Variants in CIB1 observed in about 807,000 individuals in gnomAD.
CIB1 encodes the protein calcium and integrin binding 1.
Under a neutral mutation model 25.0 loss-of-function variants are expected in CIB1, and 19 were observed. That is an observed-to-expected ratio of 0.76 (90% CI 0.53 to 1.12). The LOEUF (loss-of-function observed/expected upper bound fraction) is 1.12. Among genes scored for constraint, CIB1 ranks in the 50% most tolerant of loss-of-function variants. The pLI, the probability that CIB1 is intolerant of heterozygous loss-of-function variation, is 0.00. For synonymous variants in CIB1, 104 were observed against 98.5 expected (o/e 1.06, Z -0.33); for missense variants, 236 against 242.6 (o/e 0.97, Z 0.18).
chr15:90,262,127 T>G, the CIB1 span: 4 of 1,535,956 alleles, frequency 2.6e-6, no homozygotes, highest in Non-Finnish European at 3.5e-6. Flanking sequence ...TGCCCGCTTC[T>G]TCAAGCACAA....
At chr15:90,232,185 T>G in intron 3 of CIB1, 34 bp downstream of exon 3, 1 of 1,534,064 alleles carries the variant, frequency 6.5e-7, no homozygotes. Context: ...GAGGGAGTGG[T>G]GGGAGAGGTG....
At chr15:90,239,602 G>A in the CIB1 span, among the ~76,000 whole-genome samples, 2 of 152,098 alleles carry the variant, frequency 1.3e-5, no homozygotes, top group Non-Finnish European at 2.9e-5. Context: ...GGAGGTGACC[G>A]CCCCCATGAT....
the CIB1 span, chr15:90,255,739 A>C: frequency 6.2e-7 from 1 of 1,614,078 alleles, no homozygotes; most frequent in Non-Finnish European, 8.5e-7. Context: ...GCTCATACTA[A>C]CTGGCTGTGT....
At chr15:90,257,551 G>C in the CIB1 span, 11 of 1,253,794 alleles carry the variant, frequency 8.8e-6, no homozygotes, top group Non-Finnish European at 8.0e-6. Context: ...ATCCTCGGGA[G>C]GGGTGGGGAG....
chr15:90,257,078 C>A, the CIB1 span: 4 of 1,507,534 alleles, frequency 2.7e-6, no homozygotes, highest in African/African-American at 4.1e-5. Flanking sequence ...GCACTTAGAA[C>A]AGCACATAGT....
At chr15:90,256,354 A>T in the CIB1 span, 1,135 of 1,606,286 alleles carry the variant, frequency 7.1e-4, 2 homozygotes, top group Non-Finnish European at 8.8e-4. Flanking sequence ...GGGCTGCCTC[A>T]TCTCTCCCAA....
chr15:90,259,221 A>G, the CIB1 span: 1 of 393,936 alleles, frequency 2.5e-6, no homozygotes, highest in Non-Finnish European at 4.5e-6. Flanking sequence ...AAACAAAGGA[A>G]TAATAATTAA....
the CIB1 span, chr15:90,240,817 AAAAAAAAT>A: frequency 3.2e-6 from 3 of 925,590 alleles, no homozygotes; most frequent in Middle Eastern, 3.3e-4. Flanking sequence ...CCATCTCAAA[AAAAAAAAT>A]AAATAAATAA....
chr15:90,251,697 G>C, the CIB1 span: 2 of 1,343,522 alleles, frequency 1.5e-6, no homozygotes, highest in Non-Finnish European at 2.1e-6. Flanking sequence ...CAGCCCCTGG[G>C]GCCTGGCGGG....
the CIB1 span, chr15:90,253,457 T>C: frequency 4.8e-6 from 4 of 831,950 alleles, no homozygotes; most frequent in South Asian, 8.5e-5. Flanking sequence ...AGACTGCTAC[T>C]CTTTGTGGCT....
At chr15:90,253,196 AG>A in the CIB1 span, 1 of 1,483,254 alleles carries the variant, frequency 6.7e-7, no homozygotes, top group Non-Finnish European at 9.4e-7. Context: ...ACACAGTTCC[AG>A]GGCTTGTTGC....
At chr15:90,236,708 A>T (rs1555425592), upstream of CIB1, among the ~76,000 whole-genome samples, 1 of 147,358 alleles carries the variant, frequency 6.8e-6, no homozygotes, top group Non-Finnish European at 1.5e-5. Flanking sequence ...TAATTTTTGT[A>T]TTTTTTTTTA....
At chr15:90,249,414 G>C in the CIB1 span, 1 of 152,180 alleles carries the variant, frequency 6.6e-6, no homozygotes, top group Non-Finnish European at 1.5e-5. Flanking sequence ...AGCTCCAAAG[G>C]GCAAACGCTG....
At chr15:90,257,512 C>G in the CIB1 span, 1 of 1,028,026 alleles carries the variant, frequency 9.7e-7, no homozygotes, top group Non-Finnish European at 1.4e-6. Context: ...AATAGCAGTC[C>G]TCTGGTGGAG....
At chr15:90,238,608 CTGGG>C (rs1962683864), upstream of CIB1, 1 of 152,206 alleles carries the variant, frequency 6.6e-6, no homozygotes, top group Non-Finnish European at 1.5e-5. Flanking sequence ...CCTGACAGTG[CTGGG>C]TCCAGGGCTC....
At chr15:90,238,755 C>G (rs373225852), upstream of CIB1, among the ~76,000 whole-genome samples, 1 of 152,192 alleles carries the variant, frequency 6.6e-6, no homozygotes, top group African/African-American at 2.4e-5. Flanking sequence ...CACTATGGAA[C>G]ATGGAAAAGC....
the CIB1 span, chr15:90,245,189 A>T: frequency 6.6e-6 from 1 of 152,260 alleles, no homozygotes; most frequent in Admixed American, 6.5e-5. Context: ...TAAGAAAAAC[A>T]GTTTAGGCCA....
chr15:90,258,913 G>A, the CIB1 span: 4 of 1,614,174 alleles, frequency 2.5e-6, no homozygotes, highest in South Asian at 1.1e-5. Flanking sequence ...GCTACCGACA[G>A]CCACGAGAAT....
the CIB1 span, among the ~76,000 whole-genome samples, chr15:90,248,374 T>TAAA: frequency 6.6e-6 from 1 of 152,180 alleles, no homozygotes; most frequent in African/African-American, 2.4e-5. Flanking sequence ...CTTATCTTTA[T>TAAA]AGACAATTAA....
Sources: allele counts gnomAD v4.1 joint callset (sites outside exome capture counted in the v4.1 genomes callset), GRCh38; gene constraint gnomAD v4.1.1; transcripts MANE v1.5; gene names NCBI Gene and HGNC (gene_info 2026-07-23, HGNC 2026-07-21).